TNRC18: variants seen among roughly 807,000 people sequenced by gnomAD.
TNRC18 encodes trinucleotide repeat containing 18.
In TNRC18, 69 loss-of-function variants were observed where a neutral mutation model predicts 226.7. That is an observed-to-expected ratio of 0.30 (90% CI 0.25 to 0.37). TNRC18 has a LOEUF of 0.37. Ranked by LOEUF, TNRC18 falls within the 10% of genes least tolerant of loss-of-function variation. TNRC18 has a pLI of 1.00. For missense variants in TNRC18, 4,754 were observed against 4,256.6 expected, an observed-to-expected ratio of 1.12 and a Z score of -3.25; for synonymous variants, 2,449 against 1,927.6, an observed-to-expected ratio of 1.27 and a Z score of -7.09.
chr7:5,412,003 A>T (rs1781872969), intron 2 of TNRC18, among the ~76,000 whole-genome samples: 1 of 151,982 alleles, frequency 6.6e-6, no homozygotes, highest in Admixed American at 6.6e-5. Context: ...TGGGCAACAT[A>T]GCGAGAGACC....
In TNRC18 at chr7:5,421,235, T is replaced by C; in HGVS notation, c.12A>G (p.Arg4=). 7.7e-7 allele frequency: 1 copy of C among 1,301,868 alleles called. No individual in the cohort carries two copies. The highest frequency in any genetic ancestry group is 2.6e-5 in the South Asian group (1 of 38,032). The allele number at this position is 1,301,868 out of a possible 1,614,324, so 80.6% of individuals were successfully genotyped here. ...GCACGGACCGCTGGGGCCCGAAGTC[T>C]CGGCCATCCATCCTCCGCGGGAGTG... MDG[R]DFGPQRSVHG... is the part of the protein sequence containing the mutation. Residue 4 remains arginine, a synonymous_variant, in exon 2 of 30, where the codon CGA becomes CGG. Transcript: ENST00000430969.
chr7:5,382,306 C>T (rs900584893), intron 5 of TNRC18, among the ~76,000 whole-genome samples: 7 of 152,224 alleles, frequency 4.6e-5, no homozygotes, highest in African/African-American at 1.7e-4. Flanking sequence ...CTGCCGCCCC[C>T]TCTCTGCAGG....
intron 27 of TNRC18, among the ~76,000 whole-genome samples, chr7:5,310,828 G>C (rs1177220197): frequency 1.3e-5 from 2 of 152,258 alleles, no homozygotes; most frequent in Non-Finnish European, 1.5e-5. Flanking sequence ...CTGCCAGCCT[G>C]TCTGAACCAC....
intron 2 of TNRC18, among the ~76,000 whole-genome samples, chr7:5,410,631 C>T (rs1422466978): frequency 6.6e-6 from 1 of 151,758 alleles, no homozygotes; most frequent in African/African-American, 2.4e-5. Flanking sequence ...TCTGGGAGAC[C>T]GAGGTGGGTC....
At chr7:5,383,350 C>T (rs1779530580) in intron 5 of TNRC18, among the ~76,000 whole-genome samples, 1 of 152,150 alleles carries the variant, frequency 6.6e-6, no homozygotes, top group East Asian at 1.9e-4. Flanking sequence ...AACAGGAAGA[C>T]CCAGGGCTCC....
intron 18 of TNRC18, among the ~76,000 whole-genome samples, chr7:5,343,262 G>C (rs1290298894): frequency 6.6e-6 from 1 of 152,054 alleles, no homozygotes; most frequent in Non-Finnish European, 1.5e-5. Flanking sequence ...GCTGAGGCAG[G>C]AGAATCACTT....
chr7:5,316,609 GAC>G lies in TNRC18; in HGVS notation c.6746-539_6746-538del, dbSNP rs372142621. 5.6e-3 allele frequency among the ~76,000 whole-genome samples: 848 copies of G among 152,216 alleles called. 8 individuals are homozygous for G. Among genetic ancestry groups the G allele is most frequent in the African/African-American group, 0.019 (807 of 41,536 alleles). ...CTCCCATTTCTAGCTGACTTTGGGT[GAC>G]ACAAGACAGCTGAGCACATGCACCT... On this transcript the variant is annotated intron_variant, in intron 24 of 29. Coordinates refer to ENST00000430969, the MANE Select transcript of TNRC18 (RefSeq NM_001080495.3).
At chr7:5,356,701 C>T (rs1363832350) in intron 16 of TNRC18, among the ~76,000 whole-genome samples, 5 of 152,174 alleles carry the variant, frequency 3.3e-5, no homozygotes, top group African/African-American at 7.2e-5. Context: ...CCTGGCATCA[C>T]ACCCGCCAGT....
rs774003341 is a variant in TNRC18 at position 5,370,786 on chromosome 7, C to A, written c.3808G>T (p.Val1270Leu). ...CCTTCCTCGGGCACTGCCTCCACCA[C>A]GGGCACCGCCACAGGCACCTCCACC... is the stretch of plus-strand genomic sequence containing the variant. Reference protein sequence around the residue: ...EPVEVPVAVPVVEAVPEEGLA... With the variant: ...EPVEVPVAVPLVEAVPEEGLA... Residue 1270 changes from valine to leucine, a missense_variant, in exon 11 of 30, where the codon GTG becomes TTG. Physicochemically the swap from Val to Leu is conservative, Grantham distance 32 (BLOSUM62 1). Coordinates refer to ENST00000430969, the MANE Select transcript of TNRC18 (RefSeq NM_001080495.3). 6.2e-7 allele frequency: 1 copy of A among 1,604,144 alleles called. No homozygotes were observed. The highest frequency in any genetic ancestry group is 8.5e-7 in the Non-Finnish European group (1 of 1,176,286).
intron 18 of TNRC18, among the ~76,000 whole-genome samples, chr7:5,344,777 C>A (rs1010886112): frequency 1.3e-5 from 2 of 152,178 alleles, no homozygotes; most frequent in African/African-American, 4.8e-5. Flanking sequence ...CGGCACTGAC[C>A]CCAGCTGCAG....
At chr7:5,401,008 G>T (rs1043235050) in intron 2 of TNRC18, among the ~76,000 whole-genome samples, 2 of 152,214 alleles carry the variant, frequency 1.3e-5, no homozygotes, top group African/African-American at 4.8e-5. Context: ...CGTGCAGCCT[G>T]GGAGACAGAG....
intron 2 of TNRC18, among the ~76,000 whole-genome samples, chr7:5,412,553 GAGAC>G (rs1368410267): frequency 1.3e-5 from 2 of 151,964 alleles, no homozygotes; most frequent in Non-Finnish European, 2.9e-5. Flanking sequence ...CCCAGCCTGG[GAGAC>G]AGAGCGAGAC....
intron 2 of TNRC18, among the ~76,000 whole-genome samples, chr7:5,396,926 G>A (rs1052982530): frequency 6.6e-6 from 1 of 152,178 alleles, no homozygotes; most frequent in East Asian, 1.9e-4. Context: ...CAGGGGCACA[G>A]GATCCCAGAA....
At position 5,356,173 on chromosome 7, in the gene TNRC18, AAAAAAAAAAAAG is replaced by A. The variant is rs752279039; in HGVS notation, c.5194+731_5194+742del. Among the ~76,000 whole-genome samples, 146 of 143,812 alleles carry A rather than the reference AAAAAAAAAAAAG, an allele frequency of 1.0e-3. 1 individual carries two copies. The highest frequency in any genetic ancestry group is 3.6e-3 in the Middle Eastern group (1 of 280). 94.3% of individuals were successfully genotyped at this position (143,812 alleles called of 152,430 possible). A position where few individuals can be genotyped will look rare whatever the true frequency, so the allele number is the denominator to read the frequency against. On this transcript the variant is annotated intron_variant, in intron 16 of 29. Transcript: ENST00000430969. Reference sequence around the variant, plus strand: ...AGTGAGACTCCGTCTCAAATTAAAAAAAAAAAAAAAAGAAAGAAAATAGTGGGACACAGCCAT... The same window carrying A: ...AGTGAGACTCCGTCTCAAATTAAAAAAAAGAAAATAGTGGGACACAGCCAT...
At chr7:5,354,964 C>T (rs559719878) in intron 16 of TNRC18, among the ~76,000 whole-genome samples, 4 of 152,226 alleles carry the variant, frequency 2.6e-5, no homozygotes, top group Non-Finnish European at 4.4e-5. Context: ...CCCCCTTCTC[C>T]GCCCATGAAC....
At chr7:5,366,610 C>T (rs1189781268) in intron 11 of TNRC18, among the ~76,000 whole-genome samples, 1 of 152,132 alleles carries the variant, frequency 6.6e-6, no homozygotes, top group Non-Finnish European at 1.5e-5. Flanking sequence ...AGGCGTGAGC[C>T]ACCGCGGCTG....
chr7:5,382,978 G>A (rs1351254856), intron 5 of TNRC18, among the ~76,000 whole-genome samples: 3 of 152,170 alleles, frequency 2.0e-5, no homozygotes, highest in Admixed American at 6.5e-5. Flanking sequence ...CTGCAGCCTC[G>A]ACCTGCTGGG....
intron 2 of TNRC18, among the ~76,000 whole-genome samples, chr7:5,400,955 T>C (rs572583730): frequency 9.6e-4 from 146 of 152,186 alleles, no homozygotes; most frequent in South Asian, 3.7e-3. Flanking sequence ...GGTGGGAGGA[T>C]TGCTCGAGCA....
intron 5 of TNRC18, among the ~76,000 whole-genome samples, chr7:5,381,688 G>A (rs553104463): frequency 1.6e-4 from 24 of 152,272 alleles, no homozygotes; most frequent in South Asian, 1.4e-3. Flanking sequence ...AACTCAGGTC[G>A]GGTGCAGTGA....
Sources: allele counts gnomAD v4.1 joint callset (sites outside exome capture counted in the v4.1 genomes callset), GRCh38; gene constraint gnomAD v4.1.1; transcripts MANE v1.5; gene names NCBI Gene and HGNC (gene_info 2026-07-23, HGNC 2026-07-21).